Variants in RNF216 observed in about 807,000 individuals in gnomAD.
RNF216 encodes the protein ring finger protein 216.
RNF216 carries 72 observed loss-of-function variants against 110.8 expected under a neutral mutation model. The observed-to-expected ratio is 0.65, with a 90% CI of 0.54 to 0.79. RNF216 has a LOEUF of 0.79. Ranked by LOEUF, RNF216 falls within the 30% of genes least tolerant of loss-of-function variation. RNF216 has a pLI of 0.00. For synonymous variants in RNF216, 495 were observed against 407.5 expected (o/e 1.21, Z -2.59); for missense variants, 1,342 against 1,141.2 (o/e 1.18, Z -2.54).
At chr7:5,656,248 G>T (rs747800746) in intron 13 of RNF216, among the ~76,000 whole-genome samples, 1 of 152,134 alleles carries the variant, frequency 6.6e-6, no homozygotes, top group African/African-American at 2.4e-5. Context: ...CAGCCTGGGC[G>T]GCAGAGCAAG....
chr7:5,701,438 A>G (rs769131095), intron 13 of RNF216, among the ~76,000 whole-genome samples: 20 of 152,196 alleles, frequency 1.3e-4, no homozygotes, highest in Non-Finnish European at 2.1e-4. Flanking sequence ...CTGAGGCCGC[A>G]CATCTGCACA....
chr7:5,777,959 G>A (rs1264295037), intron 1 of RNF216, among the ~76,000 whole-genome samples: 3 of 152,178 alleles, frequency 2.0e-5, no homozygotes, highest in Admixed American at 6.6e-5. Flanking sequence ...TGTGTGGAGG[G>A]TAAAATCAAC....
intron 15 of RNF216, among the ~76,000 whole-genome samples, chr7:5,630,677 G>C (rs1446611835): frequency 6.6e-6 from 1 of 152,192 alleles, no homozygotes; most frequent in African/African-American, 2.4e-5. Flanking sequence ...ACAGGTGTGA[G>C]CCACTGCACC....
At chr7:5,711,869 C>T in intron 12 of RNF216, 30 bp from the exon 13 acceptor site, 1 of 1,594,048 alleles carries the variant, frequency 6.3e-7, no homozygotes, top group Non-Finnish European at 8.6e-7. Context: ...ACTGACATTA[C>T]TTCAAACATT....
chr7:5,631,732 T>C lies in RNF216; in HGVS notation c.2383-7607A>G, dbSNP rs143882264. ...TTGATTAAAACAATCTTGGGAAACATTGAACAAAACAACACAGCTAAAATC... is the reference window on the plus strand; with the variant it reads ...TTGATTAAAACAATCTTGGGAAACACTGAACAAAACAACACAGCTAAAATC... On this transcript the variant is annotated intron_variant, in intron 15 of 16. Transcript: ENST00000389902. Among the ~76,000 whole-genome samples the C allele has an allele frequency of 1.3e-3, 201 of 152,290 alleles. 1 individual carries two copies. Among genetic ancestry groups the C allele is most frequent in the Middle Eastern group, 6.8e-3 (2 of 294 alleles).
chr7:5,711,130 T>C (rs1279527762), intron 13 of RNF216, among the ~76,000 whole-genome samples: 2 of 152,232 alleles, frequency 1.3e-5, no homozygotes, highest in East Asian at 1.9e-4. Context: ...TGGATGCTAA[T>C]ATTCACTAAA....
At chr7:5,756,424 A>G (rs573761958) in intron 2 of RNF216, among the ~76,000 whole-genome samples, 1 of 152,218 alleles carries the variant, frequency 6.6e-6, no homozygotes, top group South Asian at 2.1e-4. Flanking sequence ...TAAAATATTA[A>G]CTACTTAGCT....
At chr7:5,703,538 C>T (rs1329985067) in intron 13 of RNF216, among the ~76,000 whole-genome samples, 3 of 152,172 alleles carry the variant, frequency 2.0e-5, no homozygotes, top group Non-Finnish European at 4.4e-5. Flanking sequence ...TTTGGTTGTA[C>T]TTCACGGCTG....
At chr7:5,721,289 T>C in intron 8 of RNF216, 117 bp from the exon 9 acceptor site, 2 of 904,296 alleles carry the variant, frequency 2.2e-6, no homozygotes, top group Non-Finnish European at 3.4e-6. Context: ...GTACGTTTCA[T>C]GACTTTTCTA....
chr7:5,708,658 T>C (rs1203580548), intron 13 of RNF216, among the ~76,000 whole-genome samples: 1 of 152,200 alleles, frequency 6.6e-6, no homozygotes, highest in African/African-American at 2.4e-5. Context: ...TTGTTTTCCT[T>C]TTTTCAGGAG....
intron 1 of RNF216, among the ~76,000 whole-genome samples, chr7:5,771,967 C>T (rs1796521251): frequency 6.6e-6 from 1 of 152,224 alleles, no homozygotes; most frequent in Non-Finnish European, 1.5e-5. Flanking sequence ...GGCGTGGTGG[C>T]TCACGCCTGT....
intron 13 of RNF216, chr7:5,662,505 C>G (rs1363869961): frequency 6.6e-6 from 1 of 152,218 alleles, no homozygotes. Flanking sequence ...ATCACCATCA[C>G]TGAAACTGCT....
intron 14 of RNF216, among the ~76,000 whole-genome samples, chr7:5,648,572 A>C (rs975687269): frequency 1.1e-4 from 16 of 151,614 alleles, no homozygotes; most frequent in Admixed American, 6.6e-5. Context: ...AAAAATACAA[A>C]AAAAAATTAG....
rs377594609 is a variant in RNF216 at position 5,731,132 on chromosome 7, C to T, written c.1122-315G>A. 5.1e-4 allele frequency among the ~76,000 whole-genome samples: 78 copies of T among 152,046 alleles called. 1 individual carries two copies. In the East Asian group the frequency reaches 7.9e-3, roughly 15 times the overall value. Reference sequence around the variant, plus strand: ...AACTATTATTGGTTAAACTACAAAACTGGAAAATTTTAAGAAAAGCAGCTA... The same window carrying T: ...AACTATTATTGGTTAAACTACAAAATTGGAAAATTTTAAGAAAAGCAGCTA... On this transcript the variant is annotated intron_variant, in intron 5 of 16. Transcript: ENST00000389902.
intron 13 of RNF216, among the ~76,000 whole-genome samples, chr7:5,657,516 G>C (rs1045419881): frequency 6.6e-6 from 1 of 151,828 alleles, no homozygotes; most frequent in Non-Finnish European, 1.5e-5. Flanking sequence ...GCGGTGAGCC[G>C]AAATCTTGCC....
intron 13 of RNF216, among the ~76,000 whole-genome samples, chr7:5,663,565 C>T (rs184270695): frequency 7.8e-6 from 1 of 128,234 alleles, no homozygotes; most frequent in African/African-American, 3.0e-5. Context: ...GTCTGGGCGA[C>T]ACAGCGAGAC....
intron 1 of RNF216, among the ~76,000 whole-genome samples, chr7:5,774,207 G>A (rs529829078): frequency 2.0e-5 from 3 of 152,318 alleles, no homozygotes; most frequent in East Asian, 1.9e-4. Flanking sequence ...TAGTCAATCG[G>A]TGGCTCCAGA....
intron 16 of RNF216, among the ~76,000 whole-genome samples, chr7:5,623,598 CTCT>C (rs1786525309): frequency 6.6e-6 from 1 of 151,970 alleles, no homozygotes; most frequent in Non-Finnish European, 1.5e-5. Context: ...TGCACTTAGC[CTCT>C]TTTTTTTAAA....
At chr7:5,661,459 C>T (rs1789131585) in intron 13 of RNF216, among the ~76,000 whole-genome samples, 2 of 152,188 alleles carry the variant, frequency 1.3e-5, no homozygotes, top group Non-Finnish European at 2.9e-5. Context: ...ACATCTCAAT[C>T]TTCACAGCAA....
Sources: gnomAD v4.1 joint callset for allele counts (sites outside exome capture counted in the v4.1 genomes callset) on GRCh38, gnomAD v4.1.1 for gene constraint, MANE v1.5 for transcripts, NCBI Gene and HGNC (gene_info 2026-07-23, HGNC 2026-07-21) for gene names.